USP6NL: variants seen among roughly 807,000 people sequenced by gnomAD.
USP6NL encodes the protein USP6 N-terminal-like protein.
Under a neutral mutation model 61.9 loss-of-function variants are expected in USP6NL, and 26 were observed. The observed-to-expected ratio is 0.42, with a 90% CI of 0.31 to 0.58. The LOEUF (loss-of-function observed/expected upper bound fraction) is 0.58, where lower values mean the gene tolerates loss of function less well. USP6NL is among the 20% of genes least tolerant of loss of function. The pLI, the probability that USP6NL is intolerant of heterozygous loss-of-function variation, is 0.16. For synonymous variants in USP6NL, 432 were observed against 390.1 expected, an observed-to-expected ratio of 1.11 and a Z score of -1.27; for missense variants, 1,114 against 1,034.3, an observed-to-expected ratio of 1.08 and a Z score of -1.06.
Position 11,462,307 on chromosome 10 carries a change from ATTC to A in USP6NL, c.*131_*133del, listed in dbSNP as rs2096217499. ...CGTGGGGCTGAAGACATTTCCCTGT[ATTC>A]TTACTACTAACAGACAGGAGAGATG... is the stretch of plus-strand genomic sequence containing the variant. On this transcript the variant is annotated 3_prime_UTR_variant, in exon 15 of 15. Coordinates refer to ENST00000609104, the MANE Select transcript of USP6NL (RefSeq NM_014688.5). The A allele has an allele frequency of 9.4e-7, 1 of 1,064,002 alleles. No individual in the cohort carries two copies. The highest frequency in any genetic ancestry group is 1.7e-5 in the South Asian group (1 of 58,818). The allele number at this position is 1,064,002 out of a possible 1,614,324, so 65.9% of individuals were successfully genotyped here.
chr10:11,471,243 T>C (rs10508422), intron 14 of USP6NL, among the ~76,000 whole-genome samples: 8,624 of 151,704 alleles, frequency 0.057, 371 homozygotes, highest in East Asian at 0.16. Flanking sequence ...CACATAGGAA[T>C]TGGAATAAAG....
At chr10:11,610,210 G>A (rs1378912985) in intron 1 of USP6NL, among the ~76,000 whole-genome samples, 3 of 152,004 alleles carry the variant, frequency 2.0e-5, no homozygotes, top group Middle Eastern at 3.4e-3. Context: ...AATTGTCTAC[G>A]TAGAATACAA....
chr10:11,536,395 G>GCCT (rs1371610005), intron 2 of USP6NL, among the ~76,000 whole-genome samples: 4 of 152,190 alleles, frequency 2.6e-5, no homozygotes, highest in Admixed American at 6.5e-5. Flanking sequence ...ATCCTCCCAT[G>GCCT]CCTGGGGAAA....
At position 11,492,580 on chromosome 10, in the gene USP6NL, C is replaced by T. The variant is rs544985260; in HGVS notation, c.494+539G>A. 4.6e-5 allele frequency among the ~76,000 whole-genome samples: 7 copies of T among 152,304 alleles called. No individual in the cohort carries two copies. The South Asian group carries it at 8.3e-4, about 18-fold the overall frequency. On this transcript the variant is annotated intron_variant, in intron 8 of 14. Coordinates refer to ENST00000609104, the MANE Select transcript of USP6NL (RefSeq NM_014688.5). The stretch of plus-strand genomic sequence containing the variant: ...GATTTTGGCCTTGCCTAATCAGCCC[C>T]GACAGCTGGAGAAGCCAATACCTTG...
At chr10:11,544,927 C>A (rs1442814020) in intron 2 of USP6NL, among the ~76,000 whole-genome samples, 2 of 152,164 alleles carry the variant, frequency 1.3e-5, no homozygotes, top group African/African-American at 4.8e-5. Context: ...TTGGATTCGT[C>A]CCCAAGATAT....
chr10:11,604,085 G>A (rs933639157), intron 1 of USP6NL, among the ~76,000 whole-genome samples: 1 of 152,156 alleles, frequency 6.6e-6, no homozygotes. Flanking sequence ...TGTGTAAAAT[G>A]AGAGTTAAAA....
chr10:11,501,290 G>A, intron 6 of USP6NL, 82 bp from the exon 7 acceptor site: 1 of 1,084,434 alleles, frequency 9.2e-7, no homozygotes, highest in Non-Finnish European at 1.3e-6. Flanking sequence ...GCTAATATTT[G>A]TTAGCATTGT....
In USP6NL at chr10:11,462,811, C is replaced by T; in HGVS notation, c.2117G>A (p.Gly706Asp). The T allele has an allele frequency of 6.2e-7, 1 of 1,613,996 alleles. No homozygotes were observed. The highest frequency in any genetic ancestry group is 8.5e-7 in the Non-Finnish European group (1 of 1,179,896). ...SRIEVLPVDTGAGGYSGNSGS... is the reference protein window; with the variant it reads ...SRIEVLPVDTDAGGYSGNSGS... The stretch of plus-strand genomic sequence containing the variant: ...TGAATTGCCCGAATATCCCCCAGCA[C>T]CAGTGTCAACAGGGAGGACTTCTAT... Residue 706 changes from glycine (G) to aspartate (D), a missense_variant, in exon 15 of 15, where the codon GGT becomes GAT. Gly to Asp is a moderately conservative substitution (Grantham distance 94). Coordinates refer to ENST00000609104, the MANE Select transcript of USP6NL (RefSeq NM_014688.5).
At chr10:11,471,798 G>A (rs1044276965) in intron 14 of USP6NL, among the ~76,000 whole-genome samples, 1 of 145,816 alleles carries the variant, frequency 6.9e-6, no homozygotes, top group African/African-American at 2.6e-5. Context: ...GACACAGGGA[G>A]GGGAACATCA....
At chr10:11,567,191 T>C (rs1837194659) in intron 2 of USP6NL, among the ~76,000 whole-genome samples, 1 of 152,244 alleles carries the variant, frequency 6.6e-6, no homozygotes, top group South Asian at 2.1e-4. Flanking sequence ...TTAAATTTCA[T>C]TTTATTTTTA....
At position 11,561,103 on chromosome 10, in the gene USP6NL, T is replaced by C. The variant is rs959165681; in HGVS notation, c.5-33536A>G. Among the ~76,000 whole-genome samples, 3 of 152,210 alleles carry C rather than the reference T, an allele frequency of 2.0e-5. No homozygotes were observed. Among genetic ancestry groups the C allele is most frequent in the African/African-American group, 7.2e-5 (3 of 41,452 alleles). ...AGTTGCAAAGAAAAAACATTTAGTA[T>C]ACTCTATGTCATAGGACGGTAAAAT... is the stretch of plus-strand genomic sequence containing the variant. On this transcript the variant is annotated intron_variant, in intron 2 of 14. Coordinates refer to ENST00000609104, the MANE Select transcript of USP6NL (RefSeq NM_014688.5). The surrounding 1 kb of genome is among the most constrained non-coding windows in gnomAD (Gnocchi z 4.1).
At chr10:11,473,654 TG>T (rs979549429) in intron 14 of USP6NL, among the ~76,000 whole-genome samples, 1 of 152,180 alleles carries the variant, frequency 6.6e-6, no homozygotes, top group African/African-American at 2.4e-5. Flanking sequence ...TGGAGTCAAC[TG>T]ACAGAACTCT....
chr10:11,481,716 A>G lies in USP6NL; in HGVS notation c.1078+54T>C, dbSNP rs1013335277. ...AGAAACAGCCCATGTTAATTATGCCATGTCTTCCAATCTTAATTATAACGT... is the reference window on the plus strand; with the variant it reads ...AGAAACAGCCCATGTTAATTATGCCGTGTCTTCCAATCTTAATTATAACGT... On this transcript the variant is annotated intron_variant, in intron 14 of 14. Coordinates refer to ENST00000609104, the MANE Select transcript of USP6NL (RefSeq NM_014688.5). The surrounding 1 kb of genome is among the most constrained non-coding windows in gnomAD (Gnocchi z 4.4). 4 of 1,525,664 alleles carry G rather than the reference A, an allele frequency of 2.6e-6. No individual in the cohort carries two copies. The South Asian group carries it at 4.1e-5, about 15-fold the overall frequency. 94.5% of individuals were successfully genotyped at this position (1,525,664 alleles called of 1,614,324 possible). A position where few individuals can be genotyped will look rare whatever the true frequency, so the allele number is the denominator to read the frequency against.
chr10:11,521,926 A>G (rs1264090716), intron 4 of USP6NL, among the ~76,000 whole-genome samples: 1 of 152,226 alleles, frequency 6.6e-6, no homozygotes, highest in Non-Finnish European at 1.5e-5. Context: ...ATTCTTTGTT[A>G]AGTAGACTAG....
chr10:11,467,312 A>G (rs1472236723), intron 14 of USP6NL, among the ~76,000 whole-genome samples: 2 of 152,270 alleles, frequency 1.3e-5, no homozygotes, highest in East Asian at 1.9e-4. Context: ...ATCACAAGTT[A>G]TCAGAAAAAT....
chr10:11,541,230 CATATATATATATATAT>C (rs71378797), intron 2 of USP6NL, among the ~76,000 whole-genome samples: 597 of 43,214 alleles, frequency 0.014, 30 homozygotes, highest in African/African-American at 0.041. Context: ...TCAATAGTGC[CATATATATATATATAT>C]ATATATATAT....
intron 2 of USP6NL, among the ~76,000 whole-genome samples, chr10:11,542,198 A>G (rs1836093017): frequency 6.6e-6 from 1 of 152,194 alleles, no homozygotes; most frequent in Admixed American, 6.5e-5. Flanking sequence ...ACTGAACACC[A>G]TTTACTGCCA....
Position 11,462,531 on chromosome 10 carries a change from T to G in USP6NL, c.2397A>C (p.Pro799=), listed in dbSNP as rs760259978. ...KASPAAEDAS[P]SGYPYSGPPP... ...GGGGCCCTGAATATGGATATCCAGA[T>G]GGACTGGCATCTTCTGCGGCCGGTG... is the stretch of plus-strand genomic sequence containing the variant. Residue 799 remains proline (P), a synonymous_variant, in exon 15 of 15, where the codon CCA becomes CCC. Transcript: ENST00000609104. The G allele has an allele frequency of 1.2e-6, 2 of 1,614,040 alleles. No individual in the cohort carries two copies. Among genetic ancestry groups the G allele is most frequent in the African/African-American group, 1.3e-5 (1 of 75,048 alleles).
chr10:11,548,530 T>C lies in USP6NL; in HGVS notation c.5-20963A>G, dbSNP rs1836365686. 6.6e-6 allele frequency among the ~76,000 whole-genome samples: 1 copy of C among 152,206 alleles called. No individual in the cohort carries two copies. The highest frequency in any genetic ancestry group is 2.1e-4 in the South Asian group (1 of 4,826). ...ATAAAGATCTTTGTAAATCTTAATT[T>C]CATAACCTTACTTTAGCTATCTCTA... is the stretch of plus-strand genomic sequence containing the variant. On this transcript the variant is annotated intron_variant, in intron 2 of 14. Coordinates refer to ENST00000609104, the MANE Select transcript of USP6NL (RefSeq NM_014688.5). The surrounding 1 kb of genome is among the most constrained non-coding windows in gnomAD (Gnocchi z 4.3).
Sources: gnomAD v4.1 joint callset for allele counts (sites outside exome capture counted in the v4.1 genomes callset) on GRCh38, gnomAD v4.1.1 for gene constraint, Gnocchi (gnomAD v3.1) non-coding constraint, MANE v1.5 for transcripts, NCBI Gene and HGNC (gene_info 2026-07-23, HGNC 2026-07-21) for gene names.